CNTNAP4: variants seen among roughly 807,000 people sequenced by gnomAD.
The protein encoded by CNTNAP4 is contactin associated protein family member 4.
Under a neutral mutation model 148.4 loss-of-function variants are expected in CNTNAP4, and 98 were observed. The observed-to-expected ratio is 0.66, with a 90% confidence interval of 0.56 to 0.78. The LOEUF is 0.78. CNTNAP4 is among the 30% of genes least tolerant of loss of function. CNTNAP4 has a pLI of 0.00. For missense variants in CNTNAP4, 1,935 were observed against 1,565.6 expected (o/e 1.24, Z -3.98); for synonymous variants, 730 against 565.1 (o/e 1.29, Z -4.14).
intron 4 of CNTNAP4, among the ~76,000 whole-genome samples, chr16:76,429,655 A>G (rs921543829): frequency 3.3e-5 from 5 of 152,126 alleles, no homozygotes; most frequent in African/African-American, 1.2e-4. Context: ...TAATGTCCAC[A>G]TGGTGGTGAT....
intron 3 of CNTNAP4, among the ~76,000 whole-genome samples, chr16:76,369,580 G>A (rs772881715): frequency 6.6e-6 from 1 of 152,194 alleles, no homozygotes; most frequent in South Asian, 2.1e-4. Context: ...AGTAGCTCAT[G>A]CCTGTAATCC....
intron 8 of CNTNAP4, among the ~76,000 whole-genome samples, chr16:76,457,892 A>G (rs1220242691): frequency 1.3e-5 from 2 of 150,452 alleles, no homozygotes; most frequent in Non-Finnish European, 2.9e-5. Flanking sequence ...AATTGAACCC[A>G]TTACCCAAAT....
chr16:76,333,313 T>C (rs528687321), intron 2 of CNTNAP4, among the ~76,000 whole-genome samples: 3 of 152,218 alleles, frequency 2.0e-5, no homozygotes, highest in Admixed American at 2.0e-4. Flanking sequence ...TGAATACATA[T>C]GCTCAATCTA....
intron 2 of CNTNAP4, among the ~76,000 whole-genome samples, chr16:76,341,000 C>G (rs906003334): frequency 6.6e-6 from 1 of 152,194 alleles, no homozygotes; most frequent in African/African-American, 2.4e-5. Flanking sequence ...ATTTCTGACA[C>G]TTTATATTTT....
chr16:76,361,913 C>G (rs1161299520), intron 3 of CNTNAP4, among the ~76,000 whole-genome samples: 1 of 152,110 alleles, frequency 6.6e-6, no homozygotes, highest in Non-Finnish European at 1.5e-5. Flanking sequence ...TTGCATTTCC[C>G]TGATGACTGG....
chr16:76,439,446 C>A, intron 4 of CNTNAP4, among the ~76,000 whole-genome samples: 1 of 152,106 alleles, frequency 6.6e-6, no homozygotes, highest in East Asian at 1.9e-4. Context: ...TTTTTCAGTA[C>A]ATAGCCAAAT....
At chr16:76,427,380 G>A in intron 3 of CNTNAP4, 72 bp from the exon 4 acceptor site, 1 of 1,328,038 alleles carries the variant, frequency 7.5e-7, no homozygotes, top group Non-Finnish European at 1.0e-6. Flanking sequence ...ATTGCTAATA[G>A]ACATTATAGG....
At chr16:76,309,409 T>TTAC (rs1960848326) in intron 1 of CNTNAP4, among the ~76,000 whole-genome samples, 2 of 151,464 alleles carry the variant, frequency 1.3e-5, no homozygotes, top group Non-Finnish European at 2.9e-5. Context: ...TACACTGGAG[T>TTAC]AAAGGGGCAG....
chr16:76,376,476 G>T (rs1358509191), intron 3 of CNTNAP4, among the ~76,000 whole-genome samples: 1 of 151,160 alleles, frequency 6.6e-6, no homozygotes, highest in African/African-American at 2.4e-5. Flanking sequence ...GTAAAGACAG[G>T]TTTAGACTTC....
At chr16:76,401,570 CTGAT>C (rs1353790559) in intron 3 of CNTNAP4, among the ~76,000 whole-genome samples, 2 of 152,084 alleles carry the variant, frequency 1.3e-5, no homozygotes, top group Non-Finnish European at 2.9e-5. Flanking sequence ...TGGCAGACTT[CTGAT>C]ACTATGTTGA....
rs1045220812 is a variant in CNTNAP4, at chr16:76,331,959, A to C, written c.196+15436A>C. On this transcript the variant is annotated intron_variant, in intron 2 of 23. Transcript: ENST00000611870. ...GGGAATGTCACTTCTTCATTTAAAA[A>C]AGGTAGTTTTACTAGATTTAGAATG... Among the ~76,000 whole-genome samples, 240 of 152,308 alleles carry C rather than the reference A, an allele frequency of 1.6e-3. 1 individual carries two copies. The highest frequency in any genetic ancestry group is 4.0e-4 in the Non-Finnish European group (27 of 68,024).
intron 3 of CNTNAP4, among the ~76,000 whole-genome samples, chr16:76,389,286 A>C (rs1370515349): frequency 6.6e-6 from 1 of 152,208 alleles, no homozygotes; most frequent in East Asian, 1.9e-4. Context: ...AGGCATGTAT[A>C]CACGTATCAA....
At chr16:76,348,688 C>T (rs1386312970) in intron 2 of CNTNAP4, among the ~76,000 whole-genome samples, 2 of 151,964 alleles carry the variant, frequency 1.3e-5, no homozygotes, top group Admixed American at 6.6e-5. Flanking sequence ...GAAGCCTGAA[C>T]GCTGGATTTA....
At chr16:76,467,207 A>C (rs2081203189) in intron 9 of CNTNAP4, 145 bp from the exon 10 acceptor site, 1 of 669,904 alleles carries the variant, frequency 1.5e-6, no homozygotes, top group Non-Finnish European at 2.4e-6. Flanking sequence ...TTTAGATCAA[A>C]CTAATAATGA....
chr16:76,431,407 C>A (rs9936919), intron 4 of CNTNAP4, among the ~76,000 whole-genome samples: 9,917 of 151,912 alleles, frequency 0.065, 1,016 homozygotes, highest in African/African-American at 0.22. Context: ...GGGCAAGGCG[C>A]GGTGGCTCAT....
intron 10 of CNTNAP4, among the ~76,000 whole-genome samples, chr16:76,472,430 A>G (rs1240663972): frequency 3.9e-5 from 6 of 152,056 alleles, no homozygotes; most frequent in Non-Finnish European, 8.8e-5. Flanking sequence ...TTTAAGAGTC[A>G]TTCTTTTGGA....
chr16:76,306,028 T>C (rs1253364879), intron 1 of CNTNAP4, among the ~76,000 whole-genome samples: 2 of 152,250 alleles, frequency 1.3e-5, no homozygotes, highest in African/African-American at 2.4e-5. Context: ...CCATGGTATA[T>C]ATGTATCACA....
chr16:76,325,311 G>T (rs1023608676), intron 2 of CNTNAP4, among the ~76,000 whole-genome samples: 4 of 152,148 alleles, frequency 2.6e-5, no homozygotes, highest in Admixed American at 2.6e-4. Context: ...TATATACTCT[G>T]TGTAGTTATT....
chr16:76,283,472 G>A (rs1170722595), intron 1 of CNTNAP4, among the ~76,000 whole-genome samples: 3 of 152,006 alleles, frequency 2.0e-5, no homozygotes, highest in Non-Finnish European at 4.4e-5. Context: ...GGAATACTAC[G>A]TAGTCACAAA....
Sources: gnomAD v4.1 joint callset for allele counts (sites outside exome capture counted in the v4.1 genomes callset) on GRCh38, gnomAD v4.1.1 for gene constraint, MANE v1.5 for transcripts, NCBI Gene and HGNC (gene_info 2026-07-23, HGNC 2026-07-21) for gene names.